The following AGBL4 variants were observed in gnomAD, a reference collection of about 807,000 sequenced individuals.
The protein encoded by AGBL4 is AGBL carboxypeptidase 4.
In AGBL4, 58 loss-of-function variants were observed where a neutral mutation model predicts 66.4. The observed-to-expected ratio is 0.87, with a 90% CI of 0.71 to 1.09. The LOEUF is 1.09. Ranked by LOEUF, AGBL4 falls within the 50% of genes least tolerant of loss-of-function variation. AGBL4 has a pLI of 0.00. For synonymous variants in AGBL4, 234 were observed against 222.9 expected, an observed-to-expected ratio of 1.05 and a Z score of -0.44; for missense variants, 579 against 631.0, an observed-to-expected ratio of 0.92 and a Z score of 0.88.
chr1:48,715,777 G>T (rs758355712), intron 6 of AGBL4, among the ~76,000 whole-genome samples: 58 of 152,146 alleles, frequency 3.8e-4, no homozygotes, highest in Non-Finnish European at 7.1e-4. Context: ...GTGGCCACAT[G>T]ACGAAATAAA....
intron 3 of AGBL4, among the ~76,000 whole-genome samples, chr1:49,582,694 A>C (rs1442675040): frequency 6.6e-6 from 1 of 152,188 alleles, no homozygotes; most frequent in African/African-American, 2.4e-5. Context: ...TAGTATTGAG[A>C]GTAGTGTCTT....
Position 49,997,400 on chromosome 1 carries a change from G to A in AGBL4, c.34+26363C>T, listed in dbSNP as rs540292533. Among the ~76,000 whole-genome samples, 269 of 152,254 alleles carry A rather than the reference G, an allele frequency of 1.8e-3. 1 individual carries two copies. Among genetic ancestry groups the A allele is most frequent in the African/African-American group, 6.3e-3 (260 of 41,554 alleles). ...AAATGGACACCAAAAGTGAGCAGGA[G>A]TAGCTATTCTTATATCAGACAAAAC... On this transcript the variant is annotated intron_variant, in intron 1 of 13. Coordinates refer to ENST00000371839, the MANE Select transcript of AGBL4 (RefSeq NM_032785.4).
intron 1 of AGBL4, among the ~76,000 whole-genome samples, chr1:49,948,464 A>AATATATAAATATATAAATATATAAAT (rs1655715168): frequency 1.0e-5 from 1 of 99,772 alleles, no homozygotes; most frequent in South Asian, 3.2e-4. Context: ...AATATAGATA[A>AATATATAAATATATAAATATATAAAT]ATATATAAAT....
At chr1:49,964,918 G>C (rs1361808756) in intron 1 of AGBL4, among the ~76,000 whole-genome samples, 2 of 152,102 alleles carry the variant, frequency 1.3e-5, no homozygotes, top group Non-Finnish European at 2.9e-5. Context: ...AGCCTGAACA[G>C]CTGAATGTGA....
intron 2 of AGBL4, among the ~76,000 whole-genome samples, chr1:49,781,626 T>C (rs567671828): frequency 1.4e-4 from 21 of 152,070 alleles, no homozygotes; most frequent in Admixed American, 9.8e-4. Flanking sequence ...CATAACACTA[T>C]AAAGCAAGTA....
At chr1:48,985,843 A>T (rs566061344) in intron 5 of AGBL4, among the ~76,000 whole-genome samples, 1 of 152,298 alleles carries the variant, frequency 6.6e-6, no homozygotes, top group Admixed American at 6.5e-5. Flanking sequence ...GAAAATAATG[A>T]GGAAAATAGT....
intron 3 of AGBL4, among the ~76,000 whole-genome samples, chr1:49,397,988 G>A (rs1001108510): frequency 2.6e-5 from 4 of 152,182 alleles, no homozygotes; most frequent in Non-Finnish European, 5.9e-5. Flanking sequence ...TACAAGTACT[G>A]TGCAGAAAAT....
intron 3 of AGBL4, among the ~76,000 whole-genome samples, chr1:49,465,919 T>C (rs1426229359): frequency 1.3e-5 from 2 of 151,936 alleles, no homozygotes; most frequent in East Asian, 1.9e-4. Flanking sequence ...GGGAGAAAGA[T>C]TGCTAAATCA....
intron 3 of AGBL4, among the ~76,000 whole-genome samples, chr1:49,391,265 G>A (rs1261848341): frequency 6.6e-6 from 1 of 152,182 alleles, no homozygotes; most frequent in East Asian, 1.9e-4. Context: ...ACTTTATCCT[G>A]AGGTTAGTGA....
intron 2 of AGBL4, among the ~76,000 whole-genome samples, chr1:49,835,998 G>A (rs1027252865): frequency 4.6e-5 from 7 of 152,046 alleles, no homozygotes; most frequent in African/African-American, 1.7e-4. Flanking sequence ...TTTCTCTCTG[G>A]CTGCCCTTAA....
At chr1:49,571,511 A>G (rs1022263248) in intron 3 of AGBL4, among the ~76,000 whole-genome samples, 1 of 152,106 alleles carries the variant, frequency 6.6e-6, no homozygotes, top group Non-Finnish European at 1.5e-5. Context: ...AGGTAATATC[A>G]TCAGCAAACA....
At chr1:48,617,668 C>T (rs972664599) in intron 9 of AGBL4, among the ~76,000 whole-genome samples, 8 of 152,146 alleles carry the variant, frequency 5.3e-5, no homozygotes, top group Non-Finnish European at 7.3e-5. Context: ...TTCTGTCCTA[C>T]GGGCTGGCCG....
intron 2 of AGBL4, among the ~76,000 whole-genome samples, chr1:49,760,782 CATT>C (rs1257428331): frequency 2.6e-5 from 4 of 152,256 alleles, no homozygotes; most frequent in African/African-American, 9.6e-5. Context: ...AAATGCCCAT[CATT>C]GATAGAATGG....
intron 4 of AGBL4, among the ~76,000 whole-genome samples, chr1:49,157,569 T>A (rs1195933149): frequency 6.6e-6 from 1 of 152,238 alleles, no homozygotes; most frequent in Non-Finnish European, 1.5e-5. Context: ...TATAGTAGAA[T>A]GATTTATAAT....
intron 4 of AGBL4, among the ~76,000 whole-genome samples, chr1:49,108,732 A>T (rs1220811407): frequency 6.6e-6 from 1 of 152,142 alleles, no homozygotes; most frequent in African/African-American, 2.4e-5. Context: ...ACATAACATG[A>T]ATTTTTTAAA....
intron 6 of AGBL4, among the ~76,000 whole-genome samples, chr1:48,824,134 A>G (rs1646375344): frequency 6.6e-6 from 1 of 152,090 alleles, no homozygotes; most frequent in Non-Finnish European, 1.5e-5. Flanking sequence ...TTTTCACTGA[A>G]CACCTAATAT....
intron 1 of AGBL4, among the ~76,000 whole-genome samples, chr1:49,988,322 C>T (rs947597490): frequency 1.3e-5 from 2 of 151,878 alleles, no homozygotes; most frequent in African/African-American, 2.4e-5. Flanking sequence ...TTGAGAATAC[C>T]AAAAGGCAAT....
chr1:48,554,620 T>A (rs1644294928), intron 11 of AGBL4, among the ~76,000 whole-genome samples: 1 of 152,164 alleles, frequency 6.6e-6, no homozygotes. Context: ...TTTTTTCTGC[T>A]GTGATGTTAC....
intron 3 of AGBL4, among the ~76,000 whole-genome samples, chr1:49,606,729 C>G (rs765290617): frequency 6.6e-6 from 1 of 152,006 alleles, no homozygotes; most frequent in Non-Finnish European, 1.5e-5. Flanking sequence ...GTGATATATC[C>G]AAGATGACAC....
Sources: allele counts gnomAD v4.1 joint callset (sites outside exome capture counted in the v4.1 genomes callset), GRCh38; gene constraint gnomAD v4.1.1; transcripts MANE v1.5; gene names NCBI Gene and HGNC (gene_info 2026-07-23, HGNC 2026-07-21).